The following MRPL16 variants were observed in gnomAD, a reference collection of about 807,000 sequenced individuals.
MRPL16 encodes the protein mitochondrial ribosomal protein L16, also known as large ribosomal subunit protein uL16m.
MRPL16 carries 17 observed loss-of-function variants against 22.7 expected under a neutral mutation model. The ratio of observed to expected loss-of-function variants is 0.75; its 90% CI spans 0.51 to 1.12. The LOEUF is 1.12. Among genes scored for constraint, MRPL16 ranks in the 50% most tolerant of loss-of-function variants. The pLI is 0.00. For missense variants in MRPL16, 316 were observed against 328.7 expected (o/e 0.96, Z 0.30); for synonymous variants, 103 against 112.8 (o/e 0.91, Z 0.55).
At chr11:59,806,984 G>T in intron 3 of MRPL16, 152 bp from the exon 4 acceptor site, 1 of 1,190,576 alleles carries the variant, frequency 8.4e-7, no homozygotes, top group Non-Finnish European at 1.1e-6. Flanking sequence ...AAAGCCTAGG[G>T]TACACAGTAA....
chr11:59,806,891 A>G (rs1179004154), intron 3 of MRPL16, 59 bp from the exon 4 acceptor site: 1 of 1,548,614 alleles, frequency 6.5e-7, no homozygotes, highest in East Asian at 2.3e-5. Flanking sequence ...CTATGGGCTC[A>G]TTATTTTGTC....
Position 59,806,533 on chromosome 11 carries a change from C to T in MRPL16, c.570G>A (p.Val190=). 1.2e-6 allele frequency: 2 copies of T among 1,614,250 alleles called. No homozygotes were observed. The highest frequency in any genetic ancestry group is 8.5e-7 in the Non-Finnish European group (1 of 1,180,050). ...GCATCTTCTCTAGAGTCCCGCGGCT[C>T]ACAGCCTTTGCTGCGAAGGGCAACT... The part of the protein sequence containing the change: ...AHKLPFAAKA[V]SRGTLEKMRK... Residue 190 remains valine (V), a synonymous_variant, in exon 4 of 4, where the codon GTG becomes GTA. Transcript: ENST00000300151.
chr11:59,808,570 A>G (rs1217804405), intron 2 of MRPL16, among the ~76,000 whole-genome samples: 3 of 152,214 alleles, frequency 2.0e-5, no homozygotes, highest in African/African-American at 7.2e-5. Flanking sequence ...AATCTGGTCT[A>G]TGCCATCCAG....
chr11:59,810,580 T>C (rs949010644), intron 1 of MRPL16, 24 bp downstream of exon 1: 1 of 1,613,822 alleles, frequency 6.2e-7, no homozygotes. Flanking sequence ...GTAAAGTCTT[T>C]AGGAACCAAA....
intron 1 of MRPL16, 88 bp downstream of exon 1, chr11:59,810,516 A>G: frequency 6.3e-7 from 1 of 1,587,746 alleles, no homozygotes; most frequent in Non-Finnish European, 8.6e-7. Context: ...GCATATGCAG[A>G]GCCGCCTTTT....
intron 2 of MRPL16, among the ~76,000 whole-genome samples, chr11:59,809,134 C>G (rs973456468): frequency 1.3e-5 from 2 of 152,178 alleles, no homozygotes; most frequent in South Asian, 2.1e-4. Flanking sequence ...AGAAGACCCT[C>G]AGATGTACAG....
chr11:59,810,562 G>A (rs1261357358), intron 1 of MRPL16, 42 bp downstream of exon 1: 1 of 1,612,838 alleles, frequency 6.2e-7, no homozygotes, highest in Non-Finnish European at 8.5e-7. Flanking sequence ...GGTGGGGGAG[G>A]AAGAGGGGTA....
intron 3 of MRPL16, chr11:59,807,125 G>A (rs758713939): frequency 1.1e-5 from 4 of 359,356 alleles, no homozygotes; most frequent in Non-Finnish European, 1.5e-5. Context: ...CATAAGAAAG[G>A]CTTATGTGGA....
rs1220361664 is a variant in MRPL16, at chr11:59,807,093, G to A, written c.271-261C>T. 6 of 444,052 alleles carry A rather than the reference G, an allele frequency of 1.4e-5. No homozygotes were observed. In the East Asian group the frequency reaches 2.4e-4, roughly 18 times the overall value. The allele number at this position is 444,052 out of a possible 1,614,324, so 27.5% of individuals were successfully genotyped here. On this transcript the variant is annotated intron_variant, in intron 3 of 3. Transcript: ENST00000300151. ...CCAGAATAAAAAGAACTAGCCAAGG[G>A]AAAAGAGAGGAGTGTGCCAGGCATA...
rs1230885677 is a variant in MRPL16 at position 59,810,633 on chromosome 11, C to A, written c.26G>T (p.Ser9Ile). The stretch of plus-strand genomic sequence containing the variant: ...CAAGGGCACCCGCAGGAGCGGCGCA[C>A]TAGCGCGAGCCAGCAGCCTCCACAT... MWRLLARA[S>I]APLLRVPLSD... The change falls in exon 1 of 4, where the codon AGT (serine) becomes ATT (isoleucine). Residue 9 changes from serine to isoleucine, a missense_variant. Coordinates refer to ENST00000300151, the MANE Select transcript of MRPL16 (RefSeq NM_017840.4). The A allele has an allele frequency of 6.2e-7, 1 of 1,614,044 alleles. No homozygotes were observed. Among genetic ancestry groups the A allele is most frequent in the Non-Finnish European group, 8.5e-7 (1 of 1,180,004 alleles).
chr11:59,806,680 C>A lies in MRPL16; in HGVS notation c.423G>T (p.Gly141=). 1 of 1,614,206 alleles carries A rather than the reference C, an allele frequency of 6.2e-7. No individual in the cohort carries two copies. The highest frequency in any genetic ancestry group is 1.1e-5 in the South Asian group (1 of 91,082). The change falls in exon 4 of 4, where the codon GGG becomes GGT. Residue 141 remains glycine, a synonymous_variant. Coordinates refer to ENST00000300151, the MANE Select transcript of MRPL16 (RefSeq NM_017840.4). ...AGTGGTCAATAGCACCTTTGCCTCC[C>A]CCCATGCGATGCCCAACACTTTTGC... is the stretch of plus-strand genomic sequence containing the variant. ...ITRKSVGHRM[G]GGKGAIDHYV...
At chr11:59,809,820 A>G in intron 2 of MRPL16, 35 bp downstream of exon 2, 1 of 1,583,134 alleles carries the variant, frequency 6.3e-7, no homozygotes. Flanking sequence ...CCATCAGAGA[A>G]AAGATTTACG....
rs960378336 is a variant in MRPL16 at position 59,806,225 on chromosome 11, T to A, written c.*122A>T. On this transcript the variant is annotated 3_prime_UTR_variant, in exon 4 of 4. Coordinates refer to ENST00000300151, the MANE Select transcript of MRPL16 (RefSeq NM_017840.4). The stretch of plus-strand genomic sequence containing the variant: ...ATAACATTGTTTTTCAGAAATCTAC[T>A]CAAATGCTGCTCCTTAGTTATGGCT... 1.5e-5 allele frequency: 16 copies of A among 1,057,638 alleles called. No individual in the cohort carries two copies. In the African/African-American group the frequency reaches 1.9e-4, roughly 13 times the overall value. 65.5% of individuals were successfully genotyped at this position (1,057,638 alleles called of 1,614,324 possible).
chr11:59,808,502 G>C (rs1276570391), intron 2 of MRPL16, among the ~76,000 whole-genome samples: 1 of 152,152 alleles, frequency 6.6e-6, no homozygotes, highest in Non-Finnish European at 1.5e-5. Context: ...TATTAGGCAG[G>C]TAGTATTTTT....
At chr11:59,809,713 C>G (rs925717420) in intron 2 of MRPL16, 142 bp downstream of exon 2, 7 of 821,962 alleles carry the variant, frequency 8.5e-6, no homozygotes, top group African/African-American at 1.8e-5. Context: ...TATTAGTTGG[C>G]AAAACTGTAA....
intron 2 of MRPL16, 92 bp from the exon 3 acceptor site, chr11:59,807,941 A>G: frequency 7.3e-7 from 1 of 1,361,428 alleles, no homozygotes; most frequent in South Asian, 1.6e-5. Flanking sequence ...TGAAAGTCTT[A>G]ATTTCTTTCT....
chr11:59,808,540 G>A (rs779675047), intron 2 of MRPL16, among the ~76,000 whole-genome samples: 2 of 152,156 alleles, frequency 1.3e-5, no homozygotes, highest in Non-Finnish European at 2.9e-5. Context: ...AGAGGAACCC[G>A]AGGGCTAAAA....
chr11:59,806,773 GTTGA>G lies in MRPL16; in HGVS notation c.326_329del (p.Ile109ThrfsTer42), dbSNP rs1565201065. On this transcript the variant is annotated frameshift_variant, in exon 4 of 4. Coordinates refer to ENST00000300151, the MANE Select transcript of MRPL16 (RefSeq NM_017840.4). LOFTEE classifies it high-confidence loss of function. ...ACATGTTCTTGGGGTCCATAGAGCG[GTTGA>G]TTGTCAGGCGCATCATTTCAAAGTG... The G allele has an allele frequency of 2.0e-5, 33 of 1,613,636 alleles. No homozygotes were observed. Among genetic ancestry groups the G allele is most frequent in the South Asian group, 3.3e-5 (3 of 91,078 alleles).
At chr11:59,807,506 A>AT (rs1377284349) in intron 3 of MRPL16, 195 bp downstream of exon 3, 10 of 446,646 alleles carry the variant, frequency 2.2e-5, no homozygotes, top group South Asian at 6.3e-5. Flanking sequence ...TTCACTCTAC[A>AT]TTAAAAAAAA....
Sources: gnomAD v4.1 joint callset for allele counts (sites outside exome capture counted in the v4.1 genomes callset) on GRCh38, gnomAD v4.1.1 for gene constraint, MANE v1.5 for transcripts, NCBI Gene and HGNC (gene_info 2026-07-23, HGNC 2026-07-21) for gene names.